The following HADHA variants were observed in gnomAD, a reference collection of about 807,000 sequenced individuals.
HADHA encodes the protein hydroxyacyl-CoA dehydrogenase trifunctional multienzyme complex subunit alpha.
A neutral mutation model predicts 91.3 loss-of-function variants in HADHA; 59 were observed. The observed-to-expected ratio is 0.65, with a 90% CI of 0.52 to 0.80. HADHA has a LOEUF of 0.80. Ranked by LOEUF, HADHA falls within the 30% of genes least tolerant of loss-of-function variation. The probability of loss-of-function intolerance (pLI) is 0.00; values close to 1 mark genes in which losing one functional copy is unlikely to be tolerated. For synonymous variants in HADHA, 320 were observed against 338.9 expected (o/e 0.94, Z 0.61); for missense variants, 800 against 927.6 (o/e 0.86, Z 1.79).
intron 16 of HADHA, 121 bp from the exon 17 acceptor site, chr2:26,193,893 A>T: frequency 1.3e-6 from 1 of 776,432 alleles, no homozygotes; most frequent in Non-Finnish European, 2.3e-6. Context: ...TCACCTGACC[A>T]GGCCCAGGAC....
At chr2:26,227,706 T>A (rs1670517234) in intron 7 of HADHA, among the ~76,000 whole-genome samples, 1 of 152,034 alleles carries the variant, frequency 6.6e-6, no homozygotes, top group African/African-American at 2.4e-5. Context: ...TAGTGGCATA[T>A]GCCTCGTAAT....
intron 7 of HADHA, among the ~76,000 whole-genome samples, chr2:26,220,615 T>C (rs915922311): frequency 6.6e-6 from 1 of 152,244 alleles, no homozygotes. Flanking sequence ...TGTCGTTTTA[T>C]TGCTTGAACA....
At chr2:26,208,310 G>A (rs545215686) in intron 11 of HADHA, among the ~76,000 whole-genome samples, 1 of 151,922 alleles carries the variant, frequency 6.6e-6, no homozygotes, top group East Asian at 1.9e-4. Flanking sequence ...AGCTTTTTGT[G>A]GGTGCTGTCT....
chr2:26,236,830 T>G, intron 4 of HADHA, 25 bp downstream of exon 4: 6 of 1,584,378 alleles, frequency 3.8e-6, no homozygotes, highest in Non-Finnish European at 4.3e-6. Context: ...AGATAAAAGG[T>G]GACTTCAAGT....
At position 26,191,361 on chromosome 2, in the gene HADHA, C is replaced by T; in HGVS notation, c.2181G>A (p.Gln727=). 1 of 1,614,172 alleles carries T rather than the reference C, an allele frequency of 6.2e-7. No homozygotes were observed. ...PFRFVDLYGA[Q]KIVDRLKKYE... is the part of the protein sequence containing the mutation. ...ATTTCTTGAGCCGGTCCACTATCTT[C>T]TGGGCGCCATACAGATCCACAAAGC... The change falls in exon 20 of 20, where the codon CAG becomes CAA. Residue 727 remains glutamine (Q), a synonymous_variant. Coordinates refer to ENST00000380649, the MANE Select transcript of HADHA (RefSeq NM_000182.5).
chr2:26,224,397 T>C (rs1160390572), intron 7 of HADHA, among the ~76,000 whole-genome samples: 1 of 152,242 alleles, frequency 6.6e-6, no homozygotes, highest in Non-Finnish European at 1.5e-5. Context: ...GGAAATATTA[T>C]AAATATTCAT....
chr2:26,207,015 T>C (rs572440798), intron 11 of HADHA, among the ~76,000 whole-genome samples: 4 of 152,188 alleles, frequency 2.6e-5, no homozygotes, highest in African/African-American at 9.6e-5. Context: ...CTGGGCAACT[T>C]AGCAAGAACT....
chr2:26,230,476 G>A (rs1279299680), intron 6 of HADHA, among the ~76,000 whole-genome samples, 182 bp from the exon 7 acceptor site: 1 of 152,054 alleles, frequency 6.6e-6, no homozygotes, highest in African/African-American at 2.4e-5. Context: ...GGTAACTTTG[G>A]GGATTAGATA....
At chr2:26,236,793 T>C in intron 4 of HADHA, 62 bp downstream of exon 4, 2 of 1,280,976 alleles carry the variant, frequency 1.6e-6, no homozygotes, top group Non-Finnish European at 2.3e-6. Flanking sequence ...GAGAAATTAT[T>C]AGGCCTAAGA....
chr2:26,236,024 T>C (rs1432626389), intron 4 of HADHA, among the ~76,000 whole-genome samples: 4 of 152,218 alleles, frequency 2.6e-5, no homozygotes, highest in Non-Finnish European at 4.4e-5. Flanking sequence ...TGTCCATAAA[T>C]AGTATCAAGA....
intron 5 of HADHA, among the ~76,000 whole-genome samples, 187 bp from the exon 6 acceptor site, chr2:26,232,466 T>G (rs868425533): frequency 6.6e-6 from 1 of 152,202 alleles, no homozygotes; most frequent in African/African-American, 2.4e-5. Context: ...ACTTTTCCTC[T>G]AATTTACTAA....
chr2:26,202,826 G>A (rs1310507669), intron 12 of HADHA, among the ~76,000 whole-genome samples: 1 of 152,226 alleles, frequency 6.6e-6, no homozygotes, highest in African/African-American at 2.4e-5. Flanking sequence ...CAGCAAACAA[G>A]ATACTTGTCA....
chr2:26,207,883 C>T (rs186037200), intron 11 of HADHA, among the ~76,000 whole-genome samples: 1 of 152,152 alleles, frequency 6.6e-6, no homozygotes, highest in East Asian at 1.9e-4. Context: ...AGTTATCATC[C>T]AAGGCAAGGG....
At chr2:26,232,114 G>T (rs756481587) in intron 6 of HADHA, 46 bp downstream of exon 6, 2 of 1,451,520 alleles carry the variant, frequency 1.4e-6, no homozygotes, top group Non-Finnish European at 9.7e-7. Flanking sequence ...CAAGAAAACA[G>T]ATCTAAAGAG....
chr2:26,223,174 C>T (rs1445120308), intron 7 of HADHA, among the ~76,000 whole-genome samples: 1 of 152,194 alleles, frequency 6.6e-6, no homozygotes, highest in Non-Finnish European at 1.5e-5. Flanking sequence ...AAACTGCCAT[C>T]TGGCCACTTT....
At chr2:26,212,659 G>T (rs773338458) in intron 9 of HADHA, 33 bp from the exon 10 acceptor site, 9 of 1,410,516 alleles carry the variant, frequency 6.4e-6, no homozygotes, top group Non-Finnish European at 9.1e-6. Context: ...GCTCAGCGTT[G>T]GAATAGATTG....
At chr2:26,244,452 G>T in intron 1 of HADHA, 78 bp downstream of exon 1, 1 of 1,418,028 alleles carries the variant, frequency 7.1e-7, no homozygotes, top group Non-Finnish European at 9.7e-7. Context: ...CAGCGAAAGG[G>T]AGACGCGGCT....
intron 16 of HADHA, 42 bp from the exon 17 acceptor site, chr2:26,193,814 C>T (rs1669584060): frequency 1.3e-6 from 2 of 1,494,882 alleles, no homozygotes; most frequent in African/African-American, 1.4e-5. Context: ...GAAGGGCAGC[C>T]CAAATCCCCC....
intron 7 of HADHA, 44 bp from the exon 8 acceptor site, chr2:26,215,219 C>A (rs780184367): frequency 6.2e-7 from 1 of 1,601,652 alleles, no homozygotes; most frequent in South Asian, 1.1e-5. Context: ...CAGGCTTAGA[C>A]CAGTCCCAGG....
Sources: allele counts gnomAD v4.1 joint callset (sites outside exome capture counted in the v4.1 genomes callset), GRCh38; gene constraint gnomAD v4.1.1; transcripts MANE v1.5; gene names NCBI Gene and HGNC (gene_info 2026-07-23, HGNC 2026-07-21).